Variants in CSMD1 observed in about 807,000 individuals in gnomAD.
The protein encoded by CSMD1 is CUB and sushi domain-containing protein 1.
Under a neutral mutation model 417.5 loss-of-function variants are expected in CSMD1, and 213 were observed. The ratio of observed to expected loss-of-function variants is 0.51; its 90% CI spans 0.46 to 0.57. The LOEUF (loss-of-function observed/expected upper bound fraction) is 0.57, where lower values mean the gene tolerates loss of function less well. CSMD1 is among the 20% of genes least tolerant of loss of function. The pLI, the probability that CSMD1 is intolerant of heterozygous loss-of-function variation, is 0.00. For synonymous variants in CSMD1, 2,862 were observed against 1,736.8 expected (o/e 1.65, Z -16.11); for missense variants, 6,923 against 4,529.7 (o/e 1.53, Z -15.17).
At chr8:4,126,966 T>C (rs1163575112) in intron 3 of CSMD1, among the ~76,000 whole-genome samples, 2 of 152,086 alleles carry the variant, frequency 1.3e-5, no homozygotes, top group African/African-American at 4.8e-5. Flanking sequence ...ACCTACACTG[T>C]CAAGCTGATG....
At chr8:4,188,443 C>T (rs1188769839) in intron 3 of CSMD1, among the ~76,000 whole-genome samples, 2 of 152,214 alleles carry the variant, frequency 1.3e-5, no homozygotes, top group East Asian at 3.9e-4. Context: ...GTCCTGAAAT[C>T]CAGCCTGAGA....
chr8:3,719,070 G>C (rs1301630162), intron 6 of CSMD1, among the ~76,000 whole-genome samples: 2 of 152,128 alleles, frequency 1.3e-5, no homozygotes, highest in African/African-American at 4.8e-5. Flanking sequence ...CCCTCCTGAG[G>C]TGGAAAACAG....
chr8:3,523,217 T>C (rs997890827), intron 10 of CSMD1, among the ~76,000 whole-genome samples: 2 of 152,206 alleles, frequency 1.3e-5, no homozygotes, highest in African/African-American at 4.8e-5. Context: ...TTATCCCGCA[T>C]GCTATGGATC....
In CSMD1 at chr8:3,142,595, G is replaced by A; in HGVS notation, c.6111C>T (p.Thr2037=). 6.2e-7 allele frequency: 1 copy of A among 1,613,894 alleles called. No homozygotes were observed. The highest frequency in any genetic ancestry group is 1.7e-5 in the Admixed American group (1 of 60,012). The change falls in exon 41 of 70, where the codon ACC becomes ACT. Residue 2037 remains threonine (T), a synonymous_variant. Coordinates refer to ENST00000635120, the MANE Select transcript of CSMD1 (RefSeq NM_033225.6). ...FLEIQNGPYH[T]SPMIGQFSGT... ...CGCTAAATTGTCCAATCATGGGGCT[G>A]GTGTGGTAAGGTCCATTTTGAATTT...
intron 5 of CSMD1, among the ~76,000 whole-genome samples, chr8:3,962,835 T>C: frequency 6.6e-6 from 1 of 152,206 alleles, no homozygotes; most frequent in East Asian, 1.9e-4. Flanking sequence ...TTTTACATGT[T>C]GTGATAAAAC....
chr8:3,097,783 T>C (rs1815425444), intron 46 of CSMD1, among the ~76,000 whole-genome samples: 1 of 152,128 alleles, frequency 6.6e-6, no homozygotes, highest in Non-Finnish European at 1.5e-5. Context: ...CTACTGTACT[T>C]AGCATAGTAA....
chr8:4,089,576 T>C (rs1046572954), intron 3 of CSMD1, among the ~76,000 whole-genome samples: 4 of 152,212 alleles, frequency 2.6e-5, no homozygotes, highest in Non-Finnish European at 4.4e-5. Context: ...ACTTAGTTAT[T>C]ATACCTCTTC....
At chr8:3,294,639 C>T (rs575476853) in intron 25 of CSMD1, among the ~76,000 whole-genome samples, 48 of 152,302 alleles carry the variant, frequency 3.2e-4, no homozygotes, top group African/African-American at 1.1e-3. Flanking sequence ...ATATAATCTC[C>T]TGGTGTGCCG....
chr8:3,229,820 T>C (rs553993791), intron 27 of CSMD1, among the ~76,000 whole-genome samples: 1 of 152,208 alleles, frequency 6.6e-6, no homozygotes, highest in Non-Finnish European at 1.5e-5. Context: ...ATACGGTAAA[T>C]GTCAATTACT....
intron 3 of CSMD1, among the ~76,000 whole-genome samples, chr8:4,251,562 T>C (rs540148777): frequency 4.1e-4 from 63 of 152,296 alleles, no homozygotes; most frequent in African/African-American, 1.5e-3. Flanking sequence ...CAGGGCAGTA[T>C]CCCACAGGTG....
intron 3 of CSMD1, among the ~76,000 whole-genome samples, chr8:4,209,798 G>T (rs1274579345): frequency 6.6e-6 from 1 of 152,164 alleles, no homozygotes; most frequent in Non-Finnish European, 1.5e-5. Context: ...CTCAGAGGCT[G>T]TTCTACACTC....
intron 10 of CSMD1, among the ~76,000 whole-genome samples, chr8:3,567,540 GAGAAAGGGAA>G: frequency 6.6e-6 from 1 of 150,702 alleles, no homozygotes; most frequent in Non-Finnish European, 1.5e-5. Flanking sequence ...GGAGGGGAAA[GAGAAAGGGAA>G]GGAAAGGGAA....
At chr8:4,919,929 C>T (rs931890840) in intron 1 of CSMD1, among the ~76,000 whole-genome samples, 1 of 152,140 alleles carries the variant, frequency 6.6e-6, no homozygotes, top group Non-Finnish European at 1.5e-5. Context: ...GAACAGCCCT[C>T]AACAGACACC....
At chr8:3,077,756 T>C (rs1307013303) in intron 49 of CSMD1, among the ~76,000 whole-genome samples, 1 of 152,224 alleles carries the variant, frequency 6.6e-6, no homozygotes, top group Non-Finnish European at 1.5e-5. Context: ...GGGACTGACA[T>C]TTTCAAACTG....
chr8:3,993,630 A>G (rs1303057482), intron 5 of CSMD1, among the ~76,000 whole-genome samples: 2 of 152,228 alleles, frequency 1.3e-5, no homozygotes, highest in Non-Finnish European at 2.9e-5. Flanking sequence ...CAGATAGGCA[A>G]AAGGGTCAAG....
intron 3 of CSMD1, among the ~76,000 whole-genome samples, chr8:4,165,038 G>C (rs368887675): frequency 5.6e-4 from 86 of 152,278 alleles, no homozygotes; most frequent in African/African-American, 1.9e-3. Flanking sequence ...TGAGGTTTCT[G>C]TATTGGTAGA....
chr8:4,264,026 C>T (rs1199487309), intron 3 of CSMD1, among the ~76,000 whole-genome samples: 3 of 152,168 alleles, frequency 2.0e-5, no homozygotes, highest in African/African-American at 7.2e-5. Context: ...TATTGACTAG[C>T]TCCATGAACT....
At chr8:3,051,052 A>G (rs1197606333) in intron 50 of CSMD1, among the ~76,000 whole-genome samples, 1 of 152,212 alleles carries the variant, frequency 6.6e-6, no homozygotes, top group Admixed American at 6.5e-5. Flanking sequence ...TTTCTCAAAG[A>G]ACTTAAAATA....
At chr8:4,700,550 A>G (rs1042176947) in intron 1 of CSMD1, among the ~76,000 whole-genome samples, 1 of 152,190 alleles carries the variant, frequency 6.6e-6, no homozygotes, top group African/African-American at 2.4e-5. Flanking sequence ...ATTTCAAAGG[A>G]TGAAAAACTT....
Sources: gnomAD v4.1 joint callset for allele counts (sites outside exome capture counted in the v4.1 genomes callset) on GRCh38, gnomAD v4.1.1 for gene constraint, MANE v1.5 for transcripts, NCBI Gene and HGNC (gene_info 2026-07-23, HGNC 2026-07-21) for gene names.